Variants in FGD6 observed in about 807,000 individuals in gnomAD.
FGD6 encodes FYVE, RhoGEF and PH domain containing 6.
In FGD6, 90 loss-of-function variants were observed where a neutral mutation model predicts 149.4. The ratio of observed to expected loss-of-function variants is 0.60; its 90% CI spans 0.51 to 0.72. The LOEUF is 0.72. Ranked by LOEUF, FGD6 falls within the 30% of genes least tolerant of loss-of-function variation. The pLI is 0.00. For synonymous variants in FGD6, 527 were observed against 584.0 expected, an observed-to-expected ratio of 0.90 and a Z score of 1.41; for missense variants, 1,437 against 1,684.8, an observed-to-expected ratio of 0.85 and a Z score of 2.57.
intron 2 of FGD6, among the ~76,000 whole-genome samples, chr12:95,174,796 A>C (rs963486215): frequency 1.3e-4 from 20 of 151,850 alleles, no homozygotes; most frequent in African/African-American, 4.1e-4. Flanking sequence ...GGCATGGTGG[A>C]GGGCGCCTGT....
chr12:95,093,331 A>G (rs1359978477), intron 15 of FGD6, among the ~76,000 whole-genome samples: 3 of 151,802 alleles, frequency 2.0e-5, no homozygotes, highest in Non-Finnish European at 4.4e-5. Context: ...GCAGATCACA[A>G]GGTCAGGAGA....
At chr12:95,087,114 G>A (rs1289237142) in intron 18 of FGD6, among the ~76,000 whole-genome samples, 1 of 152,176 alleles carries the variant, frequency 6.6e-6, no homozygotes, top group Non-Finnish European at 1.5e-5. Flanking sequence ...ACAGGTATGA[G>A]CTATCGTGCC....
At chr12:95,129,704 G>T (rs1012967398) in intron 8 of FGD6, among the ~76,000 whole-genome samples, 1 of 152,204 alleles carries the variant, frequency 6.6e-6, no homozygotes, top group African/African-American at 2.4e-5. Context: ...ACAGAGTCTT[G>T]CTCTGTCACC....
In FGD6 at chr12:95,160,954, C is replaced by T. The variant is rs146495157; in HGVS notation, c.2587-7961G>A. Among the ~76,000 whole-genome samples the T allele has an allele frequency of 3.4e-3, 516 of 152,048 alleles. 1 individual carries two copies. The highest frequency in any genetic ancestry group is 0.012 in the African/African-American group (484 of 41,468). On this transcript the variant is annotated intron_variant, in intron 3 of 20. Coordinates refer to ENST00000343958, the MANE Select transcript of FGD6 (RefSeq NM_018351.4). The stretch of plus-strand genomic sequence containing the variant: ...TCTCAGCACTTTTGGCCAAGGCAGC[C>T]GGATCACTTGAGGTCAGGAGTTCAA...
intron 3 of FGD6, among the ~76,000 whole-genome samples, chr12:95,154,499 CT>C (rs1880413534): frequency 6.6e-6 from 1 of 152,102 alleles, no homozygotes; most frequent in Admixed American, 6.6e-5. Context: ...GATCAGAACA[CT>C]ACAGTTCCAC....
rs758258259 is a variant in FGD6, at chr12:95,209,036, T to C, written c.2248A>G (p.Asn750Asp). 1.2e-5 allele frequency: 19 copies of C among 1,614,174 alleles called. No homozygotes were observed. The highest frequency in any genetic ancestry group is 1.6e-5 in the Non-Finnish European group (19 of 1,180,028). Residue 750 changes from asparagine (N) to aspartate (D), a missense_variant, in exon 2 of 21, where the codon AAT (asparagine) becomes GAT (aspartate). Transcript: ENST00000343958. ...GGTATTTCCTCATAATGGCGTATAT[T>C]TTCATACTCCGGTGCACAGAGGCTT... ...VTSLCAPEYE[N>D]IRHYEEIPEY... is the part of the protein sequence containing the mutation.
chr12:95,193,079 G>C (rs1054187411), intron 2 of FGD6, among the ~76,000 whole-genome samples: 1 of 152,156 alleles, frequency 6.6e-6, no homozygotes, highest in African/African-American at 2.4e-5. Context: ...ACCTACTCTG[G>C]AAAACAGTTT....
At chr12:95,171,488 A>C (rs930553926) in intron 3 of FGD6, among the ~76,000 whole-genome samples, 1 of 152,188 alleles carries the variant, frequency 6.6e-6, no homozygotes, top group African/African-American at 2.4e-5. Context: ...ATTCATGCCA[A>C]ACTAGAGAGA....
At chr12:95,090,361 C>T (rs1288705262) in intron 17 of FGD6, among the ~76,000 whole-genome samples, 1 of 152,076 alleles carries the variant, frequency 6.6e-6, no homozygotes, top group Non-Finnish European at 1.5e-5. Context: ...TGGGGAGTGA[C>T]ATGAGCAGAT....
At chr12:95,082,663 A>G (rs961624792) in intron 20 of FGD6, among the ~76,000 whole-genome samples, 1 of 151,030 alleles carries the variant, frequency 6.6e-6, no homozygotes, top group Admixed American at 6.6e-5. Flanking sequence ...TCAAAAAAAA[A>G]AAAAAAAAAA....
intron 8 of FGD6, among the ~76,000 whole-genome samples, chr12:95,122,665 A>AC (rs1404650473): frequency 1.3e-5 from 2 of 151,180 alleles, no homozygotes; most frequent in Non-Finnish European, 3.0e-5. Context: ...AAAAAAAAAA[A>AC]AAAAGGCTCT....
At chr12:95,139,876 A>G (rs929350896) in intron 6 of FGD6, among the ~76,000 whole-genome samples, 1 of 151,718 alleles carries the variant, frequency 6.6e-6, no homozygotes, top group African/African-American at 2.4e-5. Flanking sequence ...ACCTCAAGTG[A>G]CCCACCCGCC....
chr12:95,202,390 A>AAAAATAAAATAAAAT (rs59414022), intron 2 of FGD6, among the ~76,000 whole-genome samples: 15,814 of 141,688 alleles, frequency 0.11, 1,000 homozygotes, highest in East Asian at 0.22. Context: ...CCATTTCCCA[A>AAAAATAAAATAAAAT]AAAATAAAAT....
At chr12:95,193,804 T>C (rs112098216) in intron 2 of FGD6, among the ~76,000 whole-genome samples, 17 of 152,228 alleles carry the variant, frequency 1.1e-4, no homozygotes, top group African/African-American at 3.9e-4. Flanking sequence ...GTTGGGATTA[T>C]AGGCATGAGC....
chr12:95,092,787 A>G lies in FGD6; in HGVS notation c.3659T>C (p.Ile1220Thr). Residue 1220 changes from isoleucine to threonine, a missense_variant, in exon 16 of 21, where the codon ATT becomes ACT. Around this residue, in one of 2 missense-constraint regions of FGD6, gnomAD observed 382 missense variants for 538.7 expected, o/e 0.71. Coordinates refer to ENST00000343958, the MANE Select transcript of FGD6 (RefSeq NM_018351.4). Reference sequence around the variant, plus strand: ...ACACATTGTGGCTCTGGTATCAGGAATCCAGATGGGAGCCTTCGATCCAAG... The same window carrying G: ...ACACATTGTGGCTCTGGTATCAGGAGTCCAGATGGGAGCCTTCGATCCAAG... Reference protein sequence around the residue: ...SPLGSKAPIWIPDTRATMCMI... With the variant: ...SPLGSKAPIWTPDTRATMCMI... 4 of 1,614,108 alleles carry G rather than the reference A, an allele frequency of 2.5e-6. No homozygotes were observed. The highest frequency in any genetic ancestry group is 2.5e-6 in the Non-Finnish European group (3 of 1,180,012).
At chr12:95,126,987 A>C (rs1267990083) in intron 8 of FGD6, among the ~76,000 whole-genome samples, 1 of 152,144 alleles carries the variant, frequency 6.6e-6, no homozygotes, top group Non-Finnish European at 1.5e-5. Flanking sequence ...GCAAATTACA[A>C]CATGAATTCT....
At chr12:95,190,981 T>C (rs765321631) in intron 2 of FGD6, among the ~76,000 whole-genome samples, 7 of 152,240 alleles carry the variant, frequency 4.6e-5, no homozygotes, top group Admixed American at 1.3e-4. Context: ...ACTCCAAAGC[T>C]ACCTACAGAC....
rs1381445711 is a variant in FGD6 at position 95,096,024 on chromosome 12, A to AAC, written c.3498-1331_3498-1330insGT. On this transcript the variant is annotated intron_variant, in intron 14 of 20. Coordinates refer to ENST00000343958, the MANE Select transcript of FGD6 (RefSeq NM_018351.4). Reference sequence around the variant, plus strand: ...GCAACACACTGTCTCCAAAAAAAAAAAAAGCAGAAGTAAAATGACCTGATA... The same window carrying AAC: ...GCAACACACTGTCTCCAAAAAAAAAAACAAAGCAGAAGTAAAATGACCTGATA... Among the ~76,000 whole-genome samples, 3 of 152,010 alleles carry AAC rather than the reference A, an allele frequency of 2.0e-5. No individual in the cohort carries two copies. The East Asian group carries it at 5.8e-4, about 29-fold the overall frequency.
At chr12:95,115,044 T>G (rs547754112) in intron 8 of FGD6, among the ~76,000 whole-genome samples, 1 of 152,328 alleles carries the variant, frequency 6.6e-6, no homozygotes, top group Admixed American at 6.5e-5. Flanking sequence ...TCTTACAAAA[T>G]TTCCATTTGA....
Sources: gnomAD v4.1 joint callset for allele counts (sites outside exome capture counted in the v4.1 genomes callset) on GRCh38, gnomAD v4.1.1 for gene constraint, gnomAD v4.1.1 regional missense constraint, MANE v1.5 for transcripts, NCBI Gene and HGNC (gene_info 2026-07-23, HGNC 2026-07-21) for gene names.